The following XKR6 variants were observed in gnomAD, a reference collection of about 807,000 sequenced individuals.
The protein encoded by XKR6 is XK related 6.
XKR6 carries 22 observed loss-of-function variants against 56.7 expected under a neutral mutation model. That is an observed-to-expected ratio of 0.39 (90% CI 0.28 to 0.55). XKR6 has a LOEUF of 0.55. XKR6 is among the 20% of genes least tolerant of loss of function. The probability of loss-of-function intolerance (pLI) is 0.66; values close to 1 mark genes in which losing one functional copy is unlikely to be tolerated. For missense variants in XKR6, 852 were observed against 889.0 expected (o/e 0.96, Z 0.53); for synonymous variants, 524 against 387.8 (o/e 1.35, Z -4.13).
In XKR6 at chr8:11,052,271, G is replaced by A. The variant is rs538760465; in HGVS notation, c.765-127441C>T. Among the ~76,000 whole-genome samples the A allele has an allele frequency of 5.3e-5, 8 of 152,172 alleles. No homozygotes were observed. The East Asian group carries it at 9.7e-4, about 18-fold the overall frequency. On this transcript the variant is annotated intron_variant, in intron 1 of 2. Coordinates refer to ENST00000416569, the MANE Select transcript of XKR6 (RefSeq NM_173683.4). The stretch of plus-strand genomic sequence containing the variant: ...TCTGCTCAAGGATAGCAGCTCAGAG[G>A]GGCCTCCCTTGACTCCCGAATCTAA...
At chr8:11,076,670 C>T (rs550013245) in intron 1 of XKR6, among the ~76,000 whole-genome samples, 3 of 152,302 alleles carry the variant, frequency 2.0e-5, no homozygotes, top group South Asian at 4.1e-4. Context: ...CCGAAGAAAG[C>T]CACAGAGGAC....
intron 1 of XKR6, among the ~76,000 whole-genome samples, chr8:11,186,102 G>C (rs73532812): frequency 0.11 from 16,420 of 152,048 alleles, 1,111 homozygotes; most frequent in South Asian, 0.19. Flanking sequence ...AGAAATCAAA[G>C]TTTTAAAGGG....
chr8:10,956,831 T>A (rs1444264763), intron 1 of XKR6, among the ~76,000 whole-genome samples: 2 of 152,222 alleles, frequency 1.3e-5, no homozygotes, highest in African/African-American at 4.8e-5. Flanking sequence ...GCTTCTCAGA[T>A]ACAGGTAAGA....
At chr8:11,055,800 G>A (rs11775254) in intron 1 of XKR6, among the ~76,000 whole-genome samples, 33,902 of 151,512 alleles carry the variant, frequency 0.22, 4,420 homozygotes, top group Non-Finnish European at 0.3. Flanking sequence ...CCACTGCACA[G>A]GGAGGAAAGC....
At chr8:10,910,144 A>G (rs1180682863) in intron 2 of XKR6, among the ~76,000 whole-genome samples, 1 of 152,162 alleles carries the variant, frequency 6.6e-6, no homozygotes, top group African/African-American at 2.4e-5. Flanking sequence ...TGCTGCTGGC[A>G]TCTGGCAGGT....
chr8:11,105,739 T>C (rs995952260), intron 1 of XKR6: 2 of 152,194 alleles, frequency 1.3e-5, no homozygotes, highest in African/African-American at 4.8e-5. Flanking sequence ...ACCGAAAAGC[T>C]TGATATTCAT....
intron 1 of XKR6, among the ~76,000 whole-genome samples, chr8:11,077,569 G>A (rs1800307259): frequency 6.6e-6 from 1 of 152,188 alleles, no homozygotes; most frequent in Admixed American, 6.5e-5. Flanking sequence ...GCACCAGACT[G>A]GGTCCTGTAA....
At chr8:11,128,496 T>G (rs972164771) in intron 1 of XKR6, among the ~76,000 whole-genome samples, 1 of 152,202 alleles carries the variant, frequency 6.6e-6, no homozygotes, top group Admixed American at 6.5e-5. Context: ...AAATGCCTGA[T>G]CTTCCGAATG....
chr8:11,193,990 C>G (rs1803727725), intron 1 of XKR6, among the ~76,000 whole-genome samples: 2 of 152,132 alleles, frequency 1.3e-5, no homozygotes, highest in Non-Finnish European at 2.9e-5. Flanking sequence ...TTAACATTAA[C>G]TAATGAGATC....
At chr8:11,039,645 G>C (rs1799234774) in intron 1 of XKR6, among the ~76,000 whole-genome samples, 1 of 152,226 alleles carries the variant, frequency 6.6e-6, no homozygotes, top group Non-Finnish European at 1.5e-5. Context: ...GAGCCCGGCG[G>C]TAACAGTTCC....
intron 1 of XKR6, among the ~76,000 whole-genome samples, chr8:11,091,125 T>C (rs1798054474): frequency 6.6e-6 from 1 of 152,230 alleles, no homozygotes; most frequent in Admixed American, 6.5e-5. Context: ...GCAAGGGCTA[T>C]TGCTAGAGAA....
At chr8:11,111,664 A>C (rs1171543931) in intron 1 of XKR6, 2 of 152,190 alleles carry the variant, frequency 1.3e-5, no homozygotes, top group African/African-American at 2.4e-5. Flanking sequence ...ACTGTCTCCA[A>C]AGCATGACAC....
chr8:11,029,913 G>C (rs972629650), intron 1 of XKR6, among the ~76,000 whole-genome samples: 4 of 152,022 alleles, frequency 2.6e-5, no homozygotes, highest in Admixed American at 6.6e-5. Context: ...CATAACAGAA[G>C]AACTCTAACA....
At chr8:11,154,526 A>T (rs928100545) in intron 1 of XKR6, among the ~76,000 whole-genome samples, 1 of 152,158 alleles carries the variant, frequency 6.6e-6, no homozygotes, top group African/African-American at 2.4e-5. Context: ...AACAGCTTTC[A>T]GTGAGTTCTA....
intron 1 of XKR6, among the ~76,000 whole-genome samples, chr8:11,053,167 T>C (rs1799598585): frequency 1.3e-5 from 2 of 152,202 alleles, no homozygotes; most frequent in African/African-American, 4.8e-5. Context: ...GGATCCGCTA[T>C]AGGCTGCCAT....
chr8:11,175,599 A>G (rs1419438986), intron 1 of XKR6: 1 of 152,272 alleles, frequency 6.6e-6, no homozygotes, highest in East Asian at 1.9e-4. Context: ...AATGCAATCA[A>G]AAGTTAAGAA....
chr8:10,976,208 G>C (rs927055846), intron 1 of XKR6, among the ~76,000 whole-genome samples: 1 of 150,828 alleles, frequency 6.6e-6, no homozygotes, highest in Non-Finnish European at 1.5e-5. Flanking sequence ...CCCCAACCTC[G>C]CCACCATGTT....
chr8:11,044,818 C>G (rs1209315743), intron 1 of XKR6, among the ~76,000 whole-genome samples: 1 of 151,990 alleles, frequency 6.6e-6, no homozygotes, highest in African/African-American at 2.4e-5. Flanking sequence ...CGGGGTTTCA[C>G]CATGTTGGGT....
intron 1 of XKR6, among the ~76,000 whole-genome samples, chr8:11,065,776 G>C (rs147275284): frequency 6.6e-6 from 1 of 152,066 alleles, no homozygotes; most frequent in Admixed American, 6.6e-5. Flanking sequence ...AATATCCTCC[G>C]CTGAGCCCAG....
Sources: allele counts gnomAD v4.1 joint callset (sites outside exome capture counted in the v4.1 genomes callset), GRCh38; gene constraint gnomAD v4.1.1; transcripts MANE v1.5; gene names NCBI Gene and HGNC (gene_info 2026-07-23, HGNC 2026-07-21).